MYH11: variants seen among roughly 807,000 people sequenced by gnomAD.
The protein encoded by MYH11 is myosin-11.
MYH11 carries 80 observed loss-of-function variants against 246.6 expected under a neutral mutation model. The observed-to-expected ratio is 0.32, with a 90% CI of 0.27 to 0.39. The LOEUF (loss-of-function observed/expected upper bound fraction) is 0.39. Among genes scored for constraint, MYH11 ranks in the 10% least tolerant of loss-of-function variants. The pLI, the probability that MYH11 is intolerant of heterozygous loss-of-function variation, is 1.00. For synonymous variants in MYH11, 1,071 were observed against 1,015.5 expected (o/e 1.05, Z -1.04); for missense variants, 2,158 against 2,546.8 (o/e 0.85, Z 3.29).
intron 3 of MYH11, among the ~76,000 whole-genome samples, chr16:15,799,881 A>G (rs2042838954): frequency 2.0e-5 from 3 of 152,208 alleles, no homozygotes. Context: ...CATAGATGGT[A>G]GGTGCTGAAT....
At chr16:15,775,771 G>T in intron 8 of MYH11, 1 of 417,262 alleles carries the variant, frequency 2.4e-6, no homozygotes, top group Non-Finnish European at 4.3e-6. Flanking sequence ...TTCCTTGAAG[G>T]CGTAGATTGT....
At chr16:15,782,814 C>G (rs1412919470) in intron 5 of MYH11, 1 of 345,350 alleles carries the variant, frequency 2.9e-6, no homozygotes, top group Non-Finnish European at 5.6e-6. Flanking sequence ...TGGTGCCCCC[C>G]GGAGTTGTGC....
At chr16:15,718,602 T>C in intron 36 of MYH11, 164 bp from the exon 37 acceptor site, 1 of 1,122,722 alleles carries the variant, frequency 8.9e-7, no homozygotes, top group East Asian at 2.6e-5. Context: ...AGCCAGGAAG[T>C]GGACAGCCGG....
rs753482794 is a variant in MYH11 at position 15,717,346 on chromosome 16, G to C, written c.5298C>G (p.Ala1766=). 1.2e-6 allele frequency: 2 copies of C among 1,605,752 alleles called. No individual in the cohort carries two copies. Among genetic ancestry groups the C allele is most frequent in the Admixed American group, 1.7e-5 (1 of 59,996 alleles). ...TGGCCAGCTCGTTGCTGAGCTGCTC[G>C]GCCTGGGGAGGAGAGTGAAGGCCAT... ...SDRVRKATQQ[A]EQLSNELATE... Residue 1766 remains alanine (A), a splice_region_variant and synonymous_variant, in exon 38 of 41, where the codon GCC becomes GCG. Transcript: ENST00000300036.
chr16:15,786,284 C>A lies in MYH11; in HGVS notation c.633+346G>T, dbSNP rs942442543. On this transcript the variant is annotated intron_variant, in intron 5 of 40. Coordinates refer to ENST00000300036, the MANE Select transcript of MYH11 (RefSeq NM_002474.3). ...GGGATGTTGTGAAACATTCTACGAG[C>A]CACAGGGAAGCCCCTCCAAGGAAGA... 2.2e-5 allele frequency: 9 copies of A among 410,248 alleles called. No individual in the cohort carries two copies. The Admixed American group carries it at 2.8e-4, about 13-fold the overall frequency. 25.4% of individuals were successfully genotyped at this position (410,248 alleles called of 1,614,324 possible).
chr16:15,820,463 A>T (rs2151355650), intron 3 of MYH11, among the ~76,000 whole-genome samples: 1 of 149,848 alleles, frequency 6.7e-6, no homozygotes, highest in South Asian at 2.1e-4. Context: ...ACCAAGAGGG[A>T]AACTCCATCC....
At position 15,732,710 on chromosome 16, in the gene MYH11, T is replaced by C; in HGVS notation, c.3507-2A>G. ...GTCACCTCCTGCTCCCTCTTGGCCCTTGGTGGGAGGAACACAGTGAATGGC... is the reference window on the plus strand; with the variant it reads ...GTCACCTCCTGCTCCCTCTTGGCCCCTGGTGGGAGGAACACAGTGAATGGC... On this transcript the variant is annotated splice_acceptor_variant, in intron 26 of 40. Coordinates refer to ENST00000300036, the MANE Select transcript of MYH11 (RefSeq NM_002474.3). LOFTEE classifies it high-confidence loss of function. The C allele has an allele frequency of 6.2e-7, 1 of 1,614,182 alleles. No individual in the cohort carries two copies. Among genetic ancestry groups the C allele is most frequent in the Non-Finnish European group, 8.5e-7 (1 of 1,180,030 alleles).
intron 3 of MYH11, among the ~76,000 whole-genome samples, chr16:15,815,477 T>C (rs2043241744): frequency 6.6e-6 from 1 of 152,108 alleles, no homozygotes; most frequent in Non-Finnish European, 1.5e-5. Flanking sequence ...GCCCAGAAAA[T>C]ACCATTAAAA....
At chr16:15,763,741 T>TGCGGGCCCC in intron 10 of MYH11, 55 bp downstream of exon 10, 2 of 646,862 alleles carry the variant, frequency 3.1e-6, no homozygotes, top group Admixed American at 2.1e-5. Flanking sequence ...AAATGTCACC[T>TGCGGGCCCC]CCCCCACCCC....
At position 15,747,728 on chromosome 16, in the gene MYH11, G is replaced by A. The variant is rs1567724077; in HGVS notation, c.2253C>T (p.Ile751=). ...AGTTGGGGTCAAGTTCCAGGGCTTT[G>A]ATCTGCAAAAGGAAGGAAAGGAAGA... ...MDGKQACILM[I]KALELDPNLY... is the part of the protein sequence containing the mutation. Residue 751 remains isoleucine (I), a splice_region_variant and synonymous_variant, in exon 19 of 41, where the codon ATC becomes ATT. Transcript: ENST00000300036. The A allele has an allele frequency of 1.9e-6, 3 of 1,613,916 alleles. No homozygotes were observed. The highest frequency in any genetic ancestry group is 1.3e-5 in the African/African-American group (1 of 74,886).
At chr16:15,854,973 C>T (rs748321658) in intron 1 of MYH11, among the ~76,000 whole-genome samples, 1 of 152,078 alleles carries the variant, frequency 6.6e-6, no homozygotes, top group Non-Finnish European at 1.5e-5. Context: ...ATCCCCAGGG[C>T]CAGGACCAAC....
chr16:15,838,357 C>T (rs1005056397), intron 1 of MYH11, 88 bp from the exon 2 acceptor site: 10 of 1,046,832 alleles, frequency 9.6e-6, no homozygotes, highest in African/African-American at 3.1e-5. Context: ...TCTAGGAACT[C>T]GGTCTGCAGA....
chr16:15,786,771 T>C (rs2151307469), intron 4 of MYH11, 39 bp from the exon 5 acceptor site: 12 of 1,564,500 alleles, frequency 7.7e-6, no homozygotes, highest in Non-Finnish European at 7.9e-6. Flanking sequence ...ACACGTTCCA[T>C]GGTGACCTTT....
At chr16:15,815,780 A>G (rs1405958719) in intron 3 of MYH11, among the ~76,000 whole-genome samples, 1 of 152,160 alleles carries the variant, frequency 6.6e-6, no homozygotes, top group East Asian at 1.9e-4. Flanking sequence ...AGGAGGAAAA[A>G]CAAAAACTGG....
intron 7 of MYH11, among the ~76,000 whole-genome samples, chr16:15,778,403 A>C (rs980759429): frequency 6.6e-6 from 1 of 152,222 alleles, no homozygotes; most frequent in Non-Finnish European, 1.5e-5. Context: ...TGCACCTCGC[A>C]TGGTGCCTAG....
intron 2 of MYH11, among the ~76,000 whole-genome samples, chr16:15,833,775 C>T (rs899689852): frequency 1.4e-4 from 22 of 152,148 alleles, no homozygotes; most frequent in African/African-American, 5.3e-4. Context: ...TATCACCTCA[C>T]TACCCGCCTA....
At chr16:15,780,278 G>T (rs894174973) in intron 6 of MYH11, among the ~76,000 whole-genome samples, 1 of 151,950 alleles carries the variant, frequency 6.6e-6, no homozygotes, top group Non-Finnish European at 1.5e-5. Context: ...TGTTGGGGGG[G>T]GGCCGCTGTT....
chr16:15,726,538 T>G, intron 28 of MYH11: 12 of 435,348 alleles, frequency 2.8e-5, no homozygotes, highest in East Asian at 4.9e-5. Flanking sequence ...GCCTGGCTAA[T>G]TTTTGTATTT....
chr16:15,706,768 C>T (rs530074826), intron 40 of MYH11, among the ~76,000 whole-genome samples: 27 of 152,226 alleles, frequency 1.8e-4, no homozygotes, highest in Non-Finnish European at 2.8e-4. Context: ...CATCAGTGCT[C>T]TAGGCACTCT....
Sources: gnomAD v4.1 joint callset for allele counts (sites outside exome capture counted in the v4.1 genomes callset) on GRCh38, gnomAD v4.1.1 for gene constraint, MANE v1.5 for transcripts, NCBI Gene and HGNC (gene_info 2026-07-23, HGNC 2026-07-21) for gene names.